ARSG: variants seen among roughly 807,000 people sequenced by gnomAD.
The protein encoded by ARSG is arylsulfatase G.
A neutral mutation model predicts 50.5 loss-of-function variants in ARSG; 37 were observed. The observed-to-expected ratio is 0.73, with a 90% CI of 0.56 to 0.96. The LOEUF is 0.96. Ranked by LOEUF, ARSG falls within the 50% of genes least tolerant of loss-of-function variation. The probability of loss-of-function intolerance (pLI) is 0.00; values close to 1 mark genes in which losing one functional copy is unlikely to be tolerated. For missense variants in ARSG, 629 were observed against 675.3 expected, an observed-to-expected ratio of 0.93 and a Z score of 0.76; for synonymous variants, 225 against 254.6, an observed-to-expected ratio of 0.88 and a Z score of 1.11.
rs542470037 is a variant in ARSG, at chr17:68,311,836, T to C, written c.218+4125T>C. 2.7e-5 allele frequency among the ~76,000 whole-genome samples: 4 copies of C among 148,224 alleles called. No individual in the cohort carries two copies. The East Asian group carries it at 7.9e-4, about 29-fold the overall frequency. On this transcript the variant is annotated intron_variant, in intron 2 of 11. Transcript: ENST00000621439. ...TTTTTTTTTTGACGGAGTCTTGCTC[T>C]GTCGCCCAGGTTGGAGTGCAGTAGT...
chr17:68,433,166 C>CTGT, the ARSG span, among the ~76,000 whole-genome samples: 14 of 152,262 alleles, frequency 9.2e-5, no homozygotes, highest in Non-Finnish European at 2.1e-4. Flanking sequence ...TTTAATACTA[C>CTGT]TGTTATGTTC....
At chr17:68,265,808 A>G (rs1452608891) in intron 1 of ARSG, among the ~76,000 whole-genome samples, 1 of 150,828 alleles carries the variant, frequency 6.6e-6, no homozygotes, top group Non-Finnish European at 1.5e-5. Context: ...TTCCTGTGTG[A>G]AAATCTTGTG....
the ARSG span, among the ~76,000 whole-genome samples, chr17:68,449,401 G>A: frequency 2.0e-5 from 3 of 152,196 alleles, no homozygotes; most frequent in Non-Finnish European, 2.9e-5. Context: ...AGGCCAAGGA[G>A]GATCCTTGAG....
chr17:68,352,063 G>GGAGAGAGAGAGAGAGAGAGACAGAGGA (rs1568506314), intron 5 of ARSG, among the ~76,000 whole-genome samples: 27 of 141,478 alleles, frequency 1.9e-4, no homozygotes, highest in Admixed American at 3.5e-4. Context: ...GAGAGACAGA[G>GGAGAGAGAGAGAGAGAGAGACAGAGGA]GAGAGAGAGA....
In ARSG at chr17:68,367,979, A is replaced by C. The variant is rs374204510; in HGVS notation, c.705-569A>C. On this transcript the variant is annotated intron_variant, in intron 6 of 11. Transcript: ENST00000621439. The surrounding 1 kb of genome is among the most constrained non-coding windows in gnomAD (Gnocchi z 4.5). ...CAGCTACTCAGGAGGCTGAGGCGGG[A>C]GTATCGCTTGAACCCAGGAGGCGGA... Among the ~76,000 whole-genome samples the C allele has an allele frequency of 3.3e-4, 50 of 152,216 alleles. 1 individual carries two copies. Among genetic ancestry groups the C allele is most frequent in the East Asian group, 2.7e-3 (14 of 5,180 alleles).
rs2077471032 is a variant in ARSG at position 68,325,543 on chromosome 17, A to G, written c.218+17832A>G. Among the ~76,000 whole-genome samples the G allele has an allele frequency of 3.3e-5, 5 of 152,186 alleles. No homozygotes were observed. In the South Asian group the frequency reaches 1.0e-3, roughly 31 times the overall value. On this transcript the variant is annotated intron_variant, in intron 2 of 11. Transcript: ENST00000621439. ...TTCCATGAAACTGGTCCCTGGTACC[A>G]GGAAGGTGGGGGATAGCTGACCTAC...
chr17:68,395,113 G>A lies in ARSG; in HGVS notation c.1132G>A (p.Ala378Thr). The change falls in exon 10 of 12, where the codon GCC becomes ACC. Residue 378 changes from alanine (A) to threonine (T), a missense_variant. Coordinates refer to ENST00000621439, the MANE Select transcript of ARSG (RefSeq NM_001267727.2). ...TCCAACTGTGGTAGCCCTGGCCCAG[G>A]CCAGCTTACCTCAAGGACGGCGCTT... ...IFPTVVALAQ[A>T]SLPQGRRFDG... is the part of the protein sequence containing the mutation. The A allele has an allele frequency of 1.9e-6, 3 of 1,614,090 alleles. No homozygotes were observed. Among genetic ancestry groups the A allele is most frequent in the Non-Finnish European group, 2.5e-6 (3 of 1,179,946 alleles).
upstream of ARSG, among the ~76,000 whole-genome samples, chr17:68,288,020 G>A (rs1420697093): frequency 7.1e-6 from 1 of 140,902 alleles, no homozygotes; most frequent in Non-Finnish European, 1.5e-5. Context: ...GGTTGGGGAT[G>A]GAGTCTCAGT....
intron 1 of ARSG, chr17:68,285,711 T>A (rs1327383081): frequency 1.3e-5 from 2 of 151,552 alleles, no homozygotes; most frequent in African/African-American, 4.8e-5. Context: ...CAAGTGACCC[T>A]ACTCAGCCTC....
chr17:68,331,245 C>CTTTCTTTCTTTG, intron 2 of ARSG, among the ~76,000 whole-genome samples: 1 of 92,574 alleles, frequency 1.1e-5, no homozygotes, highest in Non-Finnish European at 2.2e-5. Flanking sequence ...TTCTTTCTTT[C>CTTTCTTTCTTTG]TTTCTTTCTT....
chr17:68,346,461 C>T (rs750312612), intron 3 of ARSG, among the ~76,000 whole-genome samples: 17 of 152,118 alleles, frequency 1.1e-4, no homozygotes, highest in Non-Finnish European at 5.9e-5. Flanking sequence ...TTTTCTTTGC[C>T]CCCTCACCAT....
chr17:68,330,715 CT>C (rs1305946023), intron 2 of ARSG, among the ~76,000 whole-genome samples: 2 of 152,094 alleles, frequency 1.3e-5, no homozygotes, highest in African/African-American at 4.8e-5. Context: ...CATGGGAGCG[CT>C]GTCTGGGGCC....
chr17:68,339,951 T>C (rs2078195232), intron 2 of ARSG, among the ~76,000 whole-genome samples: 1 of 152,058 alleles, frequency 6.6e-6, no homozygotes, highest in Non-Finnish European at 1.5e-5. Flanking sequence ...AGCTGGGGGA[T>C]GGGTTGATTT....
the ARSG span, chr17:68,428,240 T>TA: frequency 6.6e-6 from 1 of 151,718 alleles, no homozygotes; most frequent in Non-Finnish European, 1.5e-5. Context: ...TTTTTTTTTT[T>TA]TTTATTTTGA....
At chr17:68,284,085 T>C (rs1555753702) in intron 1 of ARSG, among the ~76,000 whole-genome samples, 1 of 115,016 alleles carries the variant, frequency 8.7e-6, no homozygotes, top group Non-Finnish European at 1.6e-5. Context: ...AATAGAGCAA[T>C]AGAGTGAGAC....
At chr17:68,448,196 A>C in the ARSG span, 1 of 152,220 alleles carries the variant, frequency 6.6e-6, no homozygotes, top group Non-Finnish European at 1.5e-5. Flanking sequence ...CGGACACCAC[A>C]GAATCCCTAC....
chr17:68,293,255 A>G (rs1306265180), intron 1 of ARSG, among the ~76,000 whole-genome samples: 3 of 152,226 alleles, frequency 2.0e-5, no homozygotes, highest in African/African-American at 7.2e-5. Context: ...TGTACTCTAT[A>G]TGGAAATATC....
chr17:68,413,255 T>A (rs1401597176), intron 11 of ARSG, among the ~76,000 whole-genome samples: 1 of 152,138 alleles, frequency 6.6e-6, no homozygotes, highest in East Asian at 1.9e-4. Flanking sequence ...TGTGGTTTTA[T>A]CTACGTTTGG....
At chr17:68,345,951 C>T (rs527898399) in intron 3 of ARSG, among the ~76,000 whole-genome samples, 1 of 152,292 alleles carries the variant, frequency 6.6e-6, no homozygotes, top group East Asian at 1.9e-4. Flanking sequence ...TCTCTGCCCA[C>T]TGCAACCCCC....
Sources: gnomAD v4.1 joint callset for allele counts (sites outside exome capture counted in the v4.1 genomes callset) on GRCh38, gnomAD v4.1.1 for gene constraint, Gnocchi (gnomAD v3.1) non-coding constraint, MANE v1.5 for transcripts, NCBI Gene and HGNC (gene_info 2026-07-23, HGNC 2026-07-21) for gene names.